Variants in PSG3 observed in about 807,000 individuals in gnomAD.
PSG3 encodes the protein pregnancy-specific beta-1-glycoprotein 3.
Under a neutral mutation model 47.5 loss-of-function variants are expected in PSG3, and 61 were observed. That is an observed-to-expected ratio of 1.28 (90% CI 1.05 to 1.59). PSG3 has a LOEUF of 1.59. PSG3 is among the 40% of genes most tolerant of loss of function. The pLI, the probability that PSG3 is intolerant of heterozygous loss-of-function variation, is 0.00. For synonymous variants in PSG3, 263 were observed against 198.4 expected, an observed-to-expected ratio of 1.33 and a Z score of -2.74; for missense variants, 756 against 524.0, an observed-to-expected ratio of 1.44 and a Z score of -4.32.
At chr19:42,738,056 T>C (rs558627805) in intron 2 of PSG3, among the ~76,000 whole-genome samples, 2 of 152,200 alleles carry the variant, frequency 1.3e-5, no homozygotes, top group Non-Finnish European at 2.9e-5. Context: ...ACATTAGACT[T>C]TCTATGGACT....
At chr19:42,739,879 C>T (rs899718116) in intron 1 of PSG3, among the ~76,000 whole-genome samples, 20 of 152,132 alleles carry the variant, frequency 1.3e-4, no homozygotes, top group African/African-American at 4.8e-4. Context: ...TGTTTTGACC[C>T]CTGTCCCTCT....
Position 42,723,859 on chromosome 19 carries a change from A to T in PSG3, c.*40+83T>A. ...GAGGAAGGAGGAGATCCAGTCCCAG[A>T]TACAGGCAAATAAGTCTTTTCCCTC... On this transcript the variant is annotated intron_variant, in intron 6 of 6. Transcript: ENST00000327495. 3.6e-6 allele frequency: 4 copies of T among 1,104,370 alleles called. No individual in the cohort carries two copies. The Admixed American group carries it at 5.4e-5, about 15-fold the overall frequency. The allele number at this position is 1,104,370 out of a possible 1,614,324, so 68.4% of individuals were successfully genotyped here. A position where few individuals can be genotyped will look rare whatever the true frequency, so the allele number is the denominator to read the frequency against.
rs776905262 is a variant in PSG3 at position 42,729,298 on chromosome 19, C to T, written c.1068G>A (p.Ala356=). The T allele has an allele frequency of 1.7e-5, 27 of 1,613,916 alleles. No homozygotes were observed. The highest frequency in any genetic ancestry group is 4.5e-5 in the East Asian group (2 of 44,894). The part of the protein sequence containing the change: ...SGENLYLSCF[A]DSNPPAEYSW... ...AATATTCTGCTGGTGGGTTAGAGTC[C>T]GCGAAGCAGGACAAGTAGAGGTTTT... Residue 356 remains alanine, a synonymous_variant, in exon 5 of 7, where the codon GCG becomes GCA. Coordinates refer to ENST00000327495, the MANE Select transcript of PSG3 (RefSeq NM_021016.4).
At chr19:42,735,042 G>T (rs1327032875) in intron 2 of PSG3, among the ~76,000 whole-genome samples, 1 of 152,198 alleles carries the variant, frequency 6.6e-6, no homozygotes. Context: ...TGAGGAAACA[G>T]TTGTATGTGG....
chr19:42,739,205 CACACATACAA>C, intron 1 of PSG3, 116 bp from the exon 2 acceptor site: 1 of 1,390,304 alleles, frequency 7.2e-7, no homozygotes, highest in Non-Finnish European at 9.8e-7. Context: ...GACACACACA[CACACATACAA>C]ACACACACAC....
rs1476652352 is a variant in PSG3 at position 42,729,229 on chromosome 19, G to A, written c.1137C>T (p.Leu379=). The A allele has an allele frequency of 3.1e-6, 5 of 1,614,032 alleles. No individual in the cohort carries two copies. Among genetic ancestry groups the A allele is most frequent in the South Asian group, 1.1e-5 (1 of 91,076 alleles). ...GCTTTGTAGTAATCTGGGGGATAAA[G>A]AGCTTTTGTCCTGATAGCTGAAACT... ...NGKFQLSGQK[L]FIPQITTKHS... The change falls in exon 5 of 7, where the codon CTC becomes CTT. Residue 379 remains leucine (L), a synonymous_variant. Transcript: ENST00000327495.
chr19:42,728,300 A>G (rs570061654), intron 5 of PSG3, among the ~76,000 whole-genome samples: 1 of 152,232 alleles, frequency 6.6e-6, no homozygotes, highest in Non-Finnish European at 1.5e-5. Flanking sequence ...CTCTATAATT[A>G]CACACTTTTT....
In PSG3 at chr19:42,738,850, A is replaced by T. The variant is rs779028784; in HGVS notation, c.304T>A (p.Tyr102Asn). The T allele has an allele frequency of 2.5e-6, 4 of 1,614,108 alleles. No homozygotes were observed. In the East Asian group the frequency reaches 8.9e-5, roughly 36 times the overall value. The change falls in exon 2 of 7, where the codon TAT becomes AAT. Residue 102 changes from tyrosine to asparagine, a missense_variant. Physicochemically the swap from Tyr to Asn is moderately radical, Grantham distance 143. Coordinates refer to ENST00000327495, the MANE Select transcript of PSG3 (RefSeq NM_021016.4). ...TGGATCAGCAGGGATGCATTGGAATATACTGTTTCTCGTCCACTGTATGCA... is the reference window on the plus strand; with the variant it reads ...TGGATCAGCAGGGATGCATTGGAATTTACTGTTTCTCGTCCACTGTATGCA... ...GPAYSGRETVYSNASLLIQNV... is the reference protein window; with the variant it reads ...GPAYSGRETVNSNASLLIQNV...
chr19:42,725,174 T>C (rs1969356839), intron 5 of PSG3, among the ~76,000 whole-genome samples: 1 of 152,114 alleles, frequency 6.6e-6, no homozygotes, highest in Non-Finnish European at 1.5e-5. Flanking sequence ...TGGCATCTCG[T>C]TTTATTGACT....
intron 5 of PSG3, among the ~76,000 whole-genome samples, chr19:42,725,177 T>C (rs184124908): frequency 4.2e-4 from 64 of 152,138 alleles, no homozygotes; most frequent in African/African-American, 1.5e-3. Flanking sequence ...CATCTCGTTT[T>C]ATTGACTGCA....
Position 42,740,014 on chromosome 19 carries a change from A to G in PSG3, c.64+307T>C, listed in dbSNP as rs144601525. On this transcript the variant is annotated intron_variant, in intron 1 of 6. Coordinates refer to ENST00000327495, the MANE Select transcript of PSG3 (RefSeq NM_021016.4). ...GTCGCCCAGGCTGGCGTGCAGTGGC[A>G]CTATCTCGGCTCACTGCAATTTCTT... Among the ~76,000 whole-genome samples, 611 of 149,554 alleles carry G rather than the reference A, an allele frequency of 4.1e-3. 5 individuals carry two copies. Among genetic ancestry groups the G allele is most frequent in the African/African-American group, 0.014 (573 of 40,444 alleles).
chr19:42,733,231 A>T (rs1969506440), intron 2 of PSG3, among the ~76,000 whole-genome samples, 169 bp from the exon 3 acceptor site: 1 of 152,050 alleles, frequency 6.6e-6, no homozygotes, highest in Non-Finnish European at 1.5e-5. Flanking sequence ...GAGGGCTCAG[A>T]GATTGTGAGG....
chr19:42,734,509 A>G (rs1291729754), intron 2 of PSG3, among the ~76,000 whole-genome samples: 1 of 152,230 alleles, frequency 6.6e-6, no homozygotes, highest in East Asian at 1.9e-4. Flanking sequence ...TAGTAACAAC[A>G]ACAGCAAAAA....
chr19:42,730,290 A>T (rs1238594727), intron 3 of PSG3, among the ~76,000 whole-genome samples: 1 of 152,294 alleles, frequency 6.6e-6, no homozygotes, highest in Non-Finnish European at 1.5e-5. Context: ...ATTGAGCAGC[A>T]GTGTTGGGTC....
In PSG3 at chr19:42,733,065, G is replaced by C. The variant is rs777331582; in HGVS notation, c.431-3C>G. 2 of 1,612,988 alleles carry C rather than the reference G, an allele frequency of 1.2e-6. No individual in the cohort carries two copies. The highest frequency in any genetic ancestry group is 1.7e-6 in the Non-Finnish European group (2 of 1,179,386). On this transcript the variant is annotated splice_region_variant and splice_polypyrimidine_tract_variant and intron_variant, in intron 2 of 6. Transcript: ENST00000327495. ...GATGGAGGGCTTGGGAGTCTCCACTGTGCAGAAAACAGAGAGAAGATTGCC... is the reference window on the plus strand; with the variant it reads ...GATGGAGGGCTTGGGAGTCTCCACTCTGCAGAAAACAGAGAGAAGATTGCC...
In PSG3 at chr19:42,738,794, G is replaced by A. The variant is rs1969611019; in HGVS notation, c.360C>T (p.Tyr120=). The A allele has an allele frequency of 3.1e-6, 5 of 1,614,110 alleles. No homozygotes were observed. In the African/African-American group the frequency reaches 5.3e-5, roughly 17 times the overall value. ...QNVTREDAGS[Y]TLHIVKRGDG... ...CACCTCGCTTTACGATGTGTAAGGT[G>A]TAGGATCCTGCGTCCTCCCGGGTGA... The change falls in exon 2 of 7, where the codon TAC becomes TAT. Residue 120 remains tyrosine, a synonymous_variant. Coordinates refer to ENST00000327495, the MANE Select transcript of PSG3 (RefSeq NM_021016.4).
intron 5 of PSG3, among the ~76,000 whole-genome samples, chr19:42,727,217 G>T (rs1164905628): frequency 6.6e-6 from 1 of 152,100 alleles, no homozygotes; most frequent in Non-Finnish European, 1.5e-5. Flanking sequence ...ATGATTTCCT[G>T]GTTGTAACAA....
At position 42,738,685 on chromosome 19, in the gene PSG3, C is replaced by A. The variant is rs375538288; in HGVS notation, c.430+39G>T. ...ATCCTTTGTGTGTGAAGTAAAGACCCCATCCCCCAACACCCAGTGATCACG... is the reference window on the plus strand; with the variant it reads ...ATCCTTTGTGTGTGAAGTAAAGACCACATCCCCCAACACCCAGTGATCACG... On this transcript the variant is annotated intron_variant, in intron 2 of 6. Transcript: ENST00000327495. 3.1e-6 allele frequency: 5 copies of A among 1,612,330 alleles called. No individual in the cohort carries two copies. The African/African-American group carries it at 6.7e-5, about 21-fold the overall frequency.
chr19:42,729,674 T>C, intron 4 of PSG3, 104 bp downstream of exon 4: 1 of 1,566,496 alleles, frequency 6.4e-7, no homozygotes, highest in Non-Finnish European at 8.6e-7. Flanking sequence ...TGTCCAGAAG[T>C]AATGGTATCT....
Sources: allele counts gnomAD v4.1 joint callset (sites outside exome capture counted in the v4.1 genomes callset), GRCh38; gene constraint gnomAD v4.1.1; transcripts MANE v1.5; gene names NCBI Gene and HGNC (gene_info 2026-07-23, HGNC 2026-07-21).